TK2: variants seen among roughly 807,000 people sequenced by gnomAD.
TK2 encodes the protein thymidine kinase 2, mitochondrial.
In TK2, 35 loss-of-function variants were observed where a neutral mutation model predicts 41.9. That is an observed-to-expected ratio of 0.84 (90% confidence interval 0.64 to 1.11). The LOEUF is 1.11. TK2 is among the 50% of genes least tolerant of loss of function. TK2 has a pLI of 0.00. For missense variants in TK2, 320 were observed against 351.1 expected, an observed-to-expected ratio of 0.91 and a Z score of 0.71; for synonymous variants, 128 against 129.1, an observed-to-expected ratio of 0.99 and a Z score of 0.06.
chr16:66,513,429 T>A (rs1964509572), intron 9 of TK2, among the ~76,000 whole-genome samples: 1 of 152,124 alleles, frequency 6.6e-6, no homozygotes, highest in African/African-American at 2.4e-5. Context: ...GGAACTACTA[T>A]CCCAAATGGT....
intron 6 of TK2, among the ~76,000 whole-genome samples, chr16:66,522,269 C>T (rs1341848302): frequency 6.6e-6 from 1 of 152,164 alleles, no homozygotes; most frequent in Admixed American, 6.5e-5. Context: ...TAGACAGGAG[C>T]TGGGAAGAAC....
chr16:66,545,975 G>T (rs1362786737), intron 2 of TK2, among the ~76,000 whole-genome samples: 1 of 152,172 alleles, frequency 6.6e-6, no homozygotes, highest in East Asian at 1.9e-4. Flanking sequence ...AGAAGAGATT[G>T]CAAATGGGCA....
intron 6 of TK2, among the ~76,000 whole-genome samples, chr16:66,523,347 C>A (rs1041502396): frequency 2.0e-5 from 3 of 152,210 alleles, no homozygotes; most frequent in African/African-American, 7.2e-5. Context: ...AGCTCCCAGG[C>A]AGGAGCTGAC....
In TK2 at chr16:66,517,224, A is replaced by T; in HGVS notation, c.539-9T>A. The T allele has an allele frequency of 6.2e-7, 1 of 1,613,366 alleles. No homozygotes were observed. Among genetic ancestry groups the T allele is most frequent in the South Asian group, 1.1e-5 (1 of 91,072 alleles). On this transcript the variant is annotated splice_polypyrimidine_tract_variant and intron_variant, in intron 7 of 9. Transcript: ENST00000544898. This position sits in a 1 kb window ranked among gnomAD's most constrained non-coding sequence, Gnocchi z 4.3. ...ATTGGTCCGAAGGTAAACTGAGGTTAAAAGAATACGTGGCTCTCAGGACTC... is the reference window on the plus strand; with the variant it reads ...ATTGGTCCGAAGGTAAACTGAGGTTTAAAGAATACGTGGCTCTCAGGACTC...
Position 66,541,863 on chromosome 16 carries a change from A to T in TK2, c.231+16T>A. 1.2e-6 allele frequency: 2 copies of T among 1,613,974 alleles called. No individual in the cohort carries two copies. The highest frequency in any genetic ancestry group is 1.7e-6 in the Non-Finnish European group (2 of 1,179,868). ...AGCTTTCTCCGCTTCCTTCAAACCTAGCATAGAGGCTGTACCTCGACGTCT... is the reference window on the plus strand; with the variant it reads ...AGCTTTCTCCGCTTCCTTCAAACCTTGCATAGAGGCTGTACCTCGACGTCT... On this transcript the variant is annotated intron_variant, in intron 3 of 9. Transcript: ENST00000544898.
chr16:66,540,508 G>A (rs1965427317), intron 3 of TK2, among the ~76,000 whole-genome samples: 1 of 152,050 alleles, frequency 6.6e-6, no homozygotes. Flanking sequence ...AAACAGGAAA[G>A]GAAGGGAAGA....
At position 66,549,980 on chromosome 16, in the gene TK2, C is replaced by T. The variant is rs1478431262; in HGVS notation, c.82G>A (p.Gly28Ser). 2 of 1,502,876 alleles carry T rather than the reference C, an allele frequency of 1.3e-6. No individual in the cohort carries two copies. The highest frequency in any genetic ancestry group is 1.8e-6 in the Non-Finnish European group (2 of 1,133,312). The allele number at this position is 1,502,876 out of a possible 1,614,324, so 93.1% of individuals were successfully genotyped here. A position where few individuals can be genotyped will look rare whatever the true frequency, so the allele number is the denominator to read the frequency against. The change falls in exon 1 of 10, where the codon GGC becomes AGC. Residue 28 changes from glycine to serine, a missense_variant. Transcript: ENST00000544898. ...GPGSRGSPAS[G>S]PGPRRVQRRA... ...CGCTGCACCCTCCGCGGCCCGGGGC[C>T]TGAGGCCGGGCTCCCGCGACTTCCC...
chr16:66,515,137 C>G (rs1406038461), intron 8 of TK2, among the ~76,000 whole-genome samples: 3 of 151,618 alleles, frequency 2.0e-5, no homozygotes, highest in African/African-American at 4.9e-5. Flanking sequence ...ATCCCCCTCT[C>G]CGAGAAACAC....
chr16:66,522,345 T>G (rs1386076495), intron 6 of TK2, among the ~76,000 whole-genome samples: 1 of 152,190 alleles, frequency 6.6e-6, no homozygotes, highest in Non-Finnish European at 1.5e-5. Context: ...CAGGTCTTAC[T>G]CAGTGTCCCC....
chr16:66,549,803 C>A (rs1965729878), intron 1 of TK2, 135 bp downstream of exon 1: 1 of 1,287,498 alleles, frequency 7.8e-7, no homozygotes, highest in Non-Finnish European at 9.8e-7. Context: ...CCGCCCCCGT[C>A]CCAGCCGCAG....
chr16:66,517,738 A>AAGG lies in TK2; in HGVS notation c.538+48_538+50dup. Reference sequence around the variant, plus strand: ...TTGGGGCCCAGCCAAGCACATCCTCAAGGGACCCAGGAGAGAGACAAGAGA... The same window carrying AAGG: ...TTGGGGCCCAGCCAAGCACATCCTCAAGGAGGGACCCAGGAGAGAGACAAGAGA... On this transcript the variant is annotated intron_variant, in intron 7 of 9. Transcript: ENST00000544898. This position sits in a 1 kb window ranked among gnomAD's most constrained non-coding sequence, Gnocchi z 4.3. The AAGG allele has an allele frequency of 6.3e-7, 1 of 1,575,732 alleles. No individual in the cohort carries two copies. The highest frequency in any genetic ancestry group is 8.7e-7 in the Non-Finnish European group (1 of 1,145,180).
chr16:66,517,274 G>C lies in TK2; in HGVS notation c.539-59C>G, dbSNP rs1235129986. Reference sequence around the variant, plus strand: ...CTGCTCATGGCTTGGAAGCAAAGCAGGCACACAGGCAAAGGCGGGAGGAAG... The same window carrying C: ...CTGCTCATGGCTTGGAAGCAAAGCACGCACACAGGCAAAGGCGGGAGGAAG... On this transcript the variant is annotated intron_variant, in intron 7 of 9. Transcript: ENST00000544898. This position sits in a 1 kb window ranked among gnomAD's most constrained non-coding sequence, Gnocchi z 4.3. 6.2e-6 allele frequency: 9 copies of C among 1,448,642 alleles called. No individual in the cohort carries two copies. Among genetic ancestry groups the C allele is most frequent in the Non-Finnish European group, 7.8e-6 (8 of 1,029,488 alleles). 89.7% of individuals were successfully genotyped at this position (1,448,642 alleles called of 1,614,324 possible).
At chr16:66,539,134 A>G (rs1413608828) in intron 3 of TK2, among the ~76,000 whole-genome samples, 1 of 152,200 alleles carries the variant, frequency 6.6e-6, no homozygotes, top group Non-Finnish European at 1.5e-5. Context: ...CTTCAGTGAG[A>G]CTATAAGCAC....
At position 66,514,794 on chromosome 16, in the gene TK2, T is replaced by G. The variant is rs867705248; in HGVS notation, c.619-983A>C. Among the ~76,000 whole-genome samples, 2 of 152,176 alleles carry G rather than the reference T, an allele frequency of 1.3e-5. No individual in the cohort carries two copies. The highest frequency in any genetic ancestry group is 2.9e-5 in the Non-Finnish European group (2 of 68,032). ...GTGTCTGTGTAGAAAGAAGTAGACATAGGAGACTCCATTTTGTTCTGTACT... is the reference window on the plus strand; with the variant it reads ...GTGTCTGTGTAGAAAGAAGTAGACAGAGGAGACTCCATTTTGTTCTGTACT... On this transcript the variant is annotated intron_variant, in intron 8 of 9. Coordinates refer to ENST00000544898, the MANE Select transcript of TK2 (RefSeq NM_004614.5). This position sits in a 1 kb window ranked among gnomAD's most constrained non-coding sequence, Gnocchi z 4.2.
chr16:66,549,986 C>A lies in TK2; in HGVS notation c.76G>T (p.Ala26Ser). The A allele has an allele frequency of 2.0e-6, 3 of 1,513,096 alleles. No homozygotes were observed. Among genetic ancestry groups the A allele is most frequent in the Middle Eastern group, 2.3e-4 (1 of 4,384 alleles). 93.7% of individuals were successfully genotyped at this position (1,513,096 alleles called of 1,614,324 possible). ...ACCCTCCGCGGCCCGGGGCCTGAGG[C>A]CGGGCTCCCGCGACTTCCCGGCCCA... ...CFGPGSRGSP[A>S]SGPGPRRVQR... The change falls in exon 1 of 10, where the codon GCC (alanine) becomes TCC (serine). Residue 26 changes from alanine (A) to serine (S), a missense_variant. Transcript: ENST00000544898.
At chr16:66,535,392 A>ATAAC (rs1447041107) in intron 4 of TK2, among the ~76,000 whole-genome samples, 1 of 152,216 alleles carries the variant, frequency 6.6e-6, no homozygotes, top group Non-Finnish European at 1.5e-5. Context: ...GTCTTACTTA[A>ATAAC]TAACTAAGCC....
At chr16:66,513,965 C>T (rs1030576128) in intron 8 of TK2, 154 bp from the exon 9 acceptor site, 30 of 713,060 alleles carry the variant, frequency 4.2e-5, no homozygotes, top group African/African-American at 2.3e-4. Context: ...AAGTGGACAG[C>T]GGCAGACGCA....
chr16:66,529,702 C>A (rs1405147668), intron 5 of TK2, among the ~76,000 whole-genome samples: 1 of 152,212 alleles, frequency 6.6e-6, no homozygotes, highest in Non-Finnish European at 1.5e-5. Context: ...ATGCCAGGCA[C>A]ACTAACACTA....
rs773135182 is a variant in TK2 at position 66,517,088 on chromosome 16, G to A, written c.618+48C>T. ...CCGGGAGAGGAAGCCGGGTTGGACA[G>A]AGGTGGTTTCCCAGTTTGTCTTTAA... On this transcript the variant is annotated intron_variant, in intron 8 of 9. Coordinates refer to ENST00000544898, the MANE Select transcript of TK2 (RefSeq NM_004614.5). The surrounding 1 kb of genome is among the most constrained non-coding windows in gnomAD (Gnocchi z 4.3). 6.4e-7 allele frequency: 1 copy of A among 1,552,974 alleles called. No individual in the cohort carries two copies. The highest frequency in any genetic ancestry group is 8.9e-7 in the Non-Finnish European group (1 of 1,124,324).
Sources: gnomAD v4.1 joint callset for allele counts (sites outside exome capture counted in the v4.1 genomes callset) on GRCh38, gnomAD v4.1.1 for gene constraint, Gnocchi (gnomAD v3.1) non-coding constraint, MANE v1.5 for transcripts, NCBI Gene and HGNC (gene_info 2026-07-23, HGNC 2026-07-21) for gene names.